EYS: variants seen among roughly 807,000 people sequenced by gnomAD.
EYS encodes the protein EGF-like photoreceptor maintenance factor.
A neutral mutation model predicts 282.1 loss-of-function variants in EYS; 250 were observed. The observed-to-expected ratio is 0.89, with a 90% confidence interval of 0.80 to 0.98. The LOEUF is 0.98. Among genes scored for constraint, EYS ranks in the 50% least tolerant of loss-of-function variants. The pLI, the probability that EYS is intolerant of heterozygous loss-of-function variation, is 0.00. For missense variants in EYS, 4,016 were observed against 3,709.0 expected, an observed-to-expected ratio of 1.08 and a Z score of -2.15; for synonymous variants, 1,355 against 1,282.9, an observed-to-expected ratio of 1.06 and a Z score of -1.20.
At chr6:65,384,167 A>G (rs1322197136) in intron 8 of EYS, among the ~76,000 whole-genome samples, 4 of 151,908 alleles carry the variant, frequency 2.6e-5, no homozygotes, top group South Asian at 4.1e-4. Context: ...TACTTACTTT[A>G]TAATAAAAAC....
chr6:64,644,215 C>T (rs2184404), intron 22 of EYS, among the ~76,000 whole-genome samples: 66,368 of 151,990 alleles, frequency 0.44, 14,717 homozygotes, highest in Admixed American at 0.53. Flanking sequence ...AATTTCTGGA[C>T]GAGTCATTCC....
intron 31 of EYS, among the ~76,000 whole-genome samples, chr6:64,221,458 C>T (rs1045185852): frequency 6.6e-6 from 1 of 152,052 alleles, no homozygotes; most frequent in African/African-American, 2.4e-5. Context: ...CAGATGTGAC[C>T]TCCTCAATCT....
At chr6:64,836,017 A>T (rs917565877) in intron 19 of EYS, among the ~76,000 whole-genome samples, 14 of 151,742 alleles carry the variant, frequency 9.2e-5, no homozygotes, top group South Asian at 4.1e-4. Flanking sequence ...AACATATTAA[A>T]ATGTTTTAAG....
intron 22 of EYS, among the ~76,000 whole-genome samples, chr6:64,632,179 G>C (rs1337296257): frequency 6.6e-6 from 1 of 152,036 alleles, no homozygotes; most frequent in Non-Finnish European, 1.5e-5. Context: ...AGTTAGAATA[G>C]TTGAAAAGTA....
At chr6:65,678,054 A>C (rs114638617) in intron 1 of EYS, among the ~76,000 whole-genome samples, 175 of 152,144 alleles carry the variant, frequency 1.2e-3, no homozygotes, top group Non-Finnish European at 1.9e-3. Flanking sequence ...TGTCTCCAGC[A>C]TTTGCTTCTG....
At chr6:65,627,748 C>T (rs34325895) in intron 2 of EYS, among the ~76,000 whole-genome samples, 12,527 of 152,254 alleles carry the variant, frequency 0.082, 648 homozygotes, top group South Asian at 0.15. Flanking sequence ...ATGCTGCGCT[C>T]GATTTCTCAC....
chr6:64,623,297 A>G lies in EYS; in HGVS notation c.3568+2824T>C, dbSNP rs1767505936. The stretch of plus-strand genomic sequence containing the variant: ...CTTTATGAGGAGTTTCTCTTCACCA[A>G]GATAACATTTTGGGGGAATATGAGA... On this transcript the variant is annotated intron_variant, in intron 23 of 42. Coordinates refer to ENST00000503581, the MANE Select transcript of EYS (RefSeq NM_001142800.2). Among the ~76,000 whole-genome samples, 8 of 152,262 alleles carry G rather than the reference A, an allele frequency of 5.3e-5. No individual in the cohort carries two copies. In the South Asian group the frequency reaches 1.7e-3, roughly 32 times the overall value.
At chr6:65,546,610 C>A (rs1273894383) in intron 2 of EYS, among the ~76,000 whole-genome samples, 2 of 151,390 alleles carry the variant, frequency 1.3e-5, no homozygotes, top group African/African-American at 4.9e-5. Context: ...GAGACAGAGC[C>A]TTGCTCTGTT....
At chr6:64,151,089 G>C (rs993056468) in intron 31 of EYS, among the ~76,000 whole-genome samples, 1 of 151,248 alleles carries the variant, frequency 6.6e-6, no homozygotes, top group Admixed American at 6.6e-5. Flanking sequence ...AAATATTTTT[G>C]TGTAATCATA....
intron 22 of EYS, among the ~76,000 whole-genome samples, chr6:64,710,466 C>G (rs564801134): frequency 9.1e-4 from 139 of 152,276 alleles, no homozygotes; most frequent in Non-Finnish European, 1.7e-3. Context: ...TAAAGGGTAG[C>G]CAATAGGGAC....
At chr6:64,070,316 CAG>C (rs1467776210) in intron 32 of EYS, among the ~76,000 whole-genome samples, 2 of 151,968 alleles carry the variant, frequency 1.3e-5, no homozygotes, top group African/African-American at 2.4e-5. Flanking sequence ...CAGAGTTATG[CAG>C]AGTTTTCAGA....
At chr6:63,850,401 G>GA (rs1448156486) in intron 36 of EYS, among the ~76,000 whole-genome samples, 4 of 151,614 alleles carry the variant, frequency 2.6e-5, no homozygotes, top group Admixed American at 2.0e-4. Context: ...TGAAATGAAG[G>GA]AAAAAAAATG....
intron 29 of EYS, among the ~76,000 whole-genome samples, chr6:64,339,399 G>C (rs1304768928): frequency 1.3e-5 from 2 of 151,948 alleles, no homozygotes; most frequent in Non-Finnish European, 2.9e-5. Flanking sequence ...CTAATGATCA[G>C]GGTAATGCAA....
chr6:65,691,062 T>C (rs1769224873), intron 1 of EYS, among the ~76,000 whole-genome samples: 1 of 150,344 alleles, frequency 6.7e-6, no homozygotes, highest in Non-Finnish European at 1.5e-5. Flanking sequence ...TGTGTCTTTA[T>C]AGTAAAATGA....
chr6:65,029,394 A>G (rs1217676753), intron 13 of EYS, among the ~76,000 whole-genome samples: 1 of 152,166 alleles, frequency 6.6e-6, no homozygotes, highest in African/African-American at 2.4e-5. Context: ...CGTACTTTGT[A>G]GGAATTATAT....
chr6:64,425,188 G>A (rs1774361721), intron 28 of EYS, among the ~76,000 whole-genome samples: 1 of 152,174 alleles, frequency 6.6e-6, no homozygotes, highest in Non-Finnish European at 1.5e-5. Context: ...GCAGGGTCTT[G>A]TTGGCAATGA....
intron 31 of EYS, among the ~76,000 whole-genome samples, chr6:64,109,638 A>G (rs1269262722): frequency 6.6e-6 from 1 of 152,106 alleles, no homozygotes; most frequent in Non-Finnish European, 1.5e-5. Context: ...AATGCCTCAC[A>G]TGCAAGGAGA....
intron 12 of EYS, among the ~76,000 whole-genome samples, chr6:65,072,720 A>C (rs372412912): frequency 1.3e-5 from 2 of 151,858 alleles, no homozygotes; most frequent in Admixed American, 1.3e-4. Context: ...AATTCAAAAA[A>C]GAATCACAAA....
intron 5 of EYS, among the ~76,000 whole-genome samples, chr6:65,417,606 C>T (rs1470405796): frequency 3.3e-5 from 5 of 152,120 alleles, no homozygotes; most frequent in African/African-American, 9.6e-5. Flanking sequence ...TTCAACTCTG[C>T]TCTTGTAGTA....
Sources: allele counts gnomAD v4.1 joint callset (sites outside exome capture counted in the v4.1 genomes callset), GRCh38; gene constraint gnomAD v4.1.1; transcripts MANE v1.5; gene names NCBI Gene and HGNC (gene_info 2026-07-23, HGNC 2026-07-21).